The following GABRG3 variants were observed in gnomAD, a reference collection of about 807,000 sequenced individuals.
GABRG3 encodes gamma-aminobutyric acid type A receptor subunit gamma3, also known as gamma-aminobutyric acid receptor subunit gamma-3.
Under a neutral mutation model 48.8 loss-of-function variants are expected in GABRG3, and 25 were observed. That is an observed-to-expected ratio of 0.51 (90% CI 0.37 to 0.72). The LOEUF (loss-of-function observed/expected upper bound fraction) is 0.72, where lower values mean the gene tolerates loss of function less well. Ranked by LOEUF, GABRG3 falls within the 30% of genes least tolerant of loss-of-function variation. The pLI is 0.00. For missense variants in GABRG3, 394 were observed against 577.9 expected, an observed-to-expected ratio of 0.68 and a Z score of 3.26; for synonymous variants, 227 against 217.6, an observed-to-expected ratio of 1.04 and a Z score of -0.38.
intron 5 of GABRG3, among the ~76,000 whole-genome samples, chr15:27,445,241 A>G (rs181119796): frequency 6.6e-6 from 1 of 152,334 alleles, no homozygotes; most frequent in East Asian, 1.9e-4. Flanking sequence ...TGGGTCATAC[A>G]GTATCTCCTT....
chr15:27,109,956 T>G (rs1201699889), intron 3 of GABRG3, among the ~76,000 whole-genome samples: 1 of 152,208 alleles, frequency 6.6e-6, no homozygotes, highest in Non-Finnish European at 1.5e-5. Context: ...TTTGTTTCTT[T>G]GTTTGTGTTT....
At chr15:27,515,713 T>C (rs1410547628) in intron 6 of GABRG3, among the ~76,000 whole-genome samples, 1 of 152,180 alleles carries the variant, frequency 6.6e-6, no homozygotes, top group Non-Finnish European at 1.5e-5. Context: ...TAAAGAAATG[T>C]GGTATCTATG....
At chr15:27,485,046 T>A (rs1019323412) in intron 6 of GABRG3, among the ~76,000 whole-genome samples, 9 of 152,194 alleles carry the variant, frequency 5.9e-5, no homozygotes, top group Non-Finnish European at 1.2e-4. Flanking sequence ...ACCTGGTGAC[T>A]TTCTTCCAAA....
intron 5 of GABRG3, among the ~76,000 whole-genome samples, chr15:27,388,150 G>A: frequency 1.2e-5 from 1 of 86,576 alleles, no homozygotes; most frequent in Non-Finnish European, 2.1e-5. Flanking sequence ...GGGTAAGGAA[G>A]GAAGGAAGAA....
chr15:27,453,768 A>G (rs1595764074), intron 5 of GABRG3, among the ~76,000 whole-genome samples: 1 of 152,162 alleles, frequency 6.6e-6, no homozygotes, highest in East Asian at 1.9e-4. Context: ...TGGCTGGCTA[A>G]TTTTTGTATT....
chr15:27,274,689 C>A (rs1453733768), intron 3 of GABRG3, among the ~76,000 whole-genome samples: 1 of 152,156 alleles, frequency 6.6e-6, no homozygotes, highest in Non-Finnish European at 1.5e-5. Flanking sequence ...GACTCACCCA[C>A]TCCTCCATGG....
intron 2 of GABRG3, among the ~76,000 whole-genome samples, chr15:26,986,232 G>A (rs533657021): frequency 9.2e-5 from 14 of 152,224 alleles, no homozygotes; most frequent in African/African-American, 2.4e-4. Flanking sequence ...CTCCACTCTC[G>A]GAACAGATGT....
intron 6 of GABRG3, among the ~76,000 whole-genome samples, chr15:27,512,198 A>G (rs1007955040): frequency 2.0e-5 from 3 of 152,214 alleles, no homozygotes; most frequent in African/African-American, 7.2e-5. Context: ...TTAAGCAACG[A>G]TTACAATTAT....
chr15:27,537,395 C>G lies in GABRG3; in HGVS notation c.*4514C>G, dbSNP rs529242598. On this transcript the variant is annotated 3_prime_UTR_variant, in exon 10 of 10. Coordinates refer to ENST00000615808, the MANE Select transcript of GABRG3 (RefSeq NM_033223.5). ...TGTGTAATCTGTACCTATTTTTTTTCTCAAATTGGCCTGGAGGAAACATTC... is the reference window on the plus strand; with the variant it reads ...TGTGTAATCTGTACCTATTTTTTTTGTCAAATTGGCCTGGAGGAAACATTC... 1 of 152,080 alleles carries G rather than the reference C, an allele frequency of 6.6e-6. No homozygotes were observed. The highest frequency in any genetic ancestry group is 1.9e-4 in the East Asian group (1 of 5,182). The allele number at this position is 152,080 out of a possible 1,614,324, so 9.4% of individuals were successfully genotyped here.
chr15:27,144,091 C>G (rs1329784690), intron 3 of GABRG3, among the ~76,000 whole-genome samples: 1 of 152,052 alleles, frequency 6.6e-6, no homozygotes, highest in Non-Finnish European at 1.5e-5. Flanking sequence ...GATACTCCTC[C>G]AAAAAAGCAA....
chr15:27,329,448 A>T (rs1024684285), intron 5 of GABRG3, among the ~76,000 whole-genome samples: 4 of 152,034 alleles, frequency 2.6e-5, no homozygotes, highest in African/African-American at 9.7e-5. Flanking sequence ...TATTTTTAGT[A>T]GAGACAGGGT....
At chr15:27,307,112 TATATAAACATA>T (rs1391532866) in intron 3 of GABRG3, among the ~76,000 whole-genome samples, 5 of 125,814 alleles carry the variant, frequency 4.0e-5, no homozygotes, top group African/African-American at 1.4e-4. Flanking sequence ...AACATGTTTA[TATATAAACATA>T]ATATAAACAT....
chr15:27,527,166 C>A (rs1458556985), intron 7 of GABRG3, among the ~76,000 whole-genome samples: 1 of 152,194 alleles, frequency 6.6e-6, no homozygotes, highest in East Asian at 1.9e-4. Flanking sequence ...AAATTACCAA[C>A]AATGAGCGAA....
intron 3 of GABRG3, among the ~76,000 whole-genome samples, chr15:27,064,881 T>A (rs1896711362): frequency 6.6e-6 from 1 of 152,246 alleles, no homozygotes; most frequent in Admixed American, 6.5e-5. Context: ...TCCCACCTTC[T>A]CTTCATGACC....
At chr15:27,513,669 G>A (rs1382059) in intron 6 of GABRG3, among the ~76,000 whole-genome samples, 95,547 of 151,830 alleles carry the variant, frequency 0.63, 31,451 homozygotes, top group African/African-American at 0.83. Context: ...AAACAAATAG[G>A]ACAAACTGTT....
At chr15:27,351,884 TGTG>T in intron 5 of GABRG3, among the ~76,000 whole-genome samples, 1 of 149,552 alleles carries the variant, frequency 6.7e-6, no homozygotes, top group South Asian at 2.1e-4. Context: ...GTATGTATGA[TGTG>T]TGTGTATGGT....
At chr15:27,081,542 A>G (rs4887553) in intron 3 of GABRG3, among the ~76,000 whole-genome samples, 29,296 of 152,120 alleles carry the variant, frequency 0.19, 2,881 homozygotes, top group Middle Eastern at 0.25. Flanking sequence ...GTTCTTGGCC[A>G]CACAGCTATG....
rs1464523921 is a variant in GABRG3 at position 27,319,743 on chromosome 15, G to T, written c.271-7066G>T. On this transcript the variant is annotated intron_variant, in intron 3 of 9. Coordinates refer to ENST00000615808, the MANE Select transcript of GABRG3 (RefSeq NM_033223.5). This position sits in a 1 kb window ranked among gnomAD's most constrained non-coding sequence, Gnocchi z 4.4. Reference sequence around the variant, plus strand: ...TGCACCATGGTGGCTATAGTAACGGGTTGGTTTGTAAGCAAGCACGATACA... The same window carrying T: ...TGCACCATGGTGGCTATAGTAACGGTTTGGTTTGTAAGCAAGCACGATACA... Among the ~76,000 whole-genome samples the T allele has an allele frequency of 6.6e-6, 1 of 152,120 alleles. No individual in the cohort carries two copies. Among genetic ancestry groups the T allele is most frequent in the Non-Finnish European group, 1.5e-5 (1 of 68,012 alleles).
intron 3 of GABRG3, among the ~76,000 whole-genome samples, chr15:27,132,390 T>C (rs551546552): frequency 6.6e-6 from 1 of 151,556 alleles, no homozygotes; most frequent in South Asian, 2.1e-4. Context: ...TGAAGAGAAT[T>C]CTCCTGTGAA....
Sources: allele counts gnomAD v4.1 joint callset (sites outside exome capture counted in the v4.1 genomes callset), GRCh38; gene constraint gnomAD v4.1.1; non-coding constraint Gnocchi (gnomAD v3.1); transcripts MANE v1.5; gene names NCBI Gene and HGNC (gene_info 2026-07-23, HGNC 2026-07-21).